CTSB: variants seen among roughly 807,000 people sequenced by gnomAD.
CTSB encodes the protein cathepsin B.
CTSB carries 57 observed loss-of-function variants against 44.3 expected under a neutral mutation model. The ratio of observed to expected loss-of-function variants is 1.29; its 90% CI spans 1.04 to 1.60. The LOEUF (loss-of-function observed/expected upper bound fraction) is 1.60, where lower values mean the gene tolerates loss of function less well. CTSB is among the 40% of genes most tolerant of loss of function. CTSB has a pLI of 0.00. For missense variants in CTSB, 768 were observed against 443.0 expected (o/e 1.73, Z -6.59); for synonymous variants, 320 against 168.0 (o/e 1.91, Z -7.00).
intron 1 of CTSB, among the ~76,000 whole-genome samples, chr8:11,866,790 G>T (rs1052065026): frequency 6.6e-5 from 10 of 152,312 alleles, no homozygotes; most frequent in Non-Finnish European, 1.3e-4. Context: ...AATTTGGGAG[G>T]CGGAAGTTGT....
At chr8:11,853,704 G>C (rs2131063343) in intron 1 of CTSB, 1 of 484,234 alleles carries the variant, frequency 2.1e-6, no homozygotes, top group Non-Finnish European at 3.7e-6. Flanking sequence ...AGCCCAGAGA[G>C]AGAGCCAAGG....
At position 11,861,153 on chromosome 8, in the gene CTSB, G is replaced by A. The variant is rs531824691; in HGVS notation, c.-26+6848C>T. On this transcript the variant is annotated intron_variant, in intron 1 of 9. Transcript: ENST00000353047. ...AAAATCCAAAGGGCTCTCAGGCCTCGGTCTCATCAGTCCCCTGATGAACGG... is the reference window on the plus strand; with the variant it reads ...AAAATCCAAAGGGCTCTCAGGCCTCAGTCTCATCAGTCCCCTGATGAACGG... 2.6e-5 allele frequency among the ~76,000 whole-genome samples: 4 copies of A among 152,284 alleles called. No homozygotes were observed. In the South Asian group the frequency reaches 8.3e-4, roughly 32 times the overall value.
chr8:11,865,954 G>A (rs1161447252), intron 1 of CTSB, among the ~76,000 whole-genome samples: 7 of 149,990 alleles, frequency 4.7e-5, no homozygotes, highest in African/African-American at 1.5e-4. Context: ...GAGAGGCGGA[G>A]GTGGCAGTGA....
At chr8:11,848,548 G>A (rs1028070418) in intron 5 of CTSB, 6 of 357,178 alleles carry the variant, frequency 1.7e-5, no homozygotes, top group Non-Finnish European at 3.3e-5. Flanking sequence ...TAACTAGTTA[G>A]GGGAGAAGCC....
chr8:11,851,348 C>G (rs1814571610), intron 3 of CTSB, among the ~76,000 whole-genome samples: 1 of 151,870 alleles, frequency 6.6e-6, no homozygotes, highest in African/African-American at 2.4e-5. Flanking sequence ...CACCACCACA[C>G]CCGGCTAATT....
chr8:11,866,332 G>T (rs769119390), intron 1 of CTSB, among the ~76,000 whole-genome samples: 2 of 152,236 alleles, frequency 1.3e-5, no homozygotes, highest in Non-Finnish European at 2.9e-5. Context: ...AAACAGGGCT[G>T]TCCTGAGCCA....
At chr8:11,867,395 TTTA>T (rs1817313595) in intron 1 of CTSB, 1 of 152,382 alleles carries the variant, frequency 6.6e-6, no homozygotes, top group African/African-American at 2.4e-5. Flanking sequence ...TCTCTTCCTG[TTTA>T]TGGATTTAAC....
At chr8:11,858,373 C>G (rs755482448) in intron 1 of CTSB, among the ~76,000 whole-genome samples, 1 of 152,214 alleles carries the variant, frequency 6.6e-6, no homozygotes, top group Non-Finnish European at 1.5e-5. Context: ...TGGCTCACTG[C>G]AAACTCTGCC....
At position 11,843,011 on chromosome 8, in the gene CTSB, C is replaced by G. The variant is rs1812538017; in HGVS notation, c.*2114G>C. On this transcript the variant is annotated 3_prime_UTR_variant, in exon 10 of 10. Transcript: ENST00000353047. ...TCACCGAGGCTGGAGTGCACTGGCA[C>G]TGTCTTGGCTCACTGCAACCTCCGC... The G allele has an allele frequency of 7.4e-6, 1 of 135,350 alleles. No individual in the cohort carries two copies. Among genetic ancestry groups the G allele is most frequent in the Non-Finnish European group, 1.5e-5 (1 of 64,828 alleles). The allele number at this position is 135,350 out of a possible 1,614,324, so 8.4% of individuals were successfully genotyped here.
At chr8:11,855,549 A>T (rs907466927) in intron 1 of CTSB, among the ~76,000 whole-genome samples, 23 of 152,206 alleles carry the variant, frequency 1.5e-4, no homozygotes, top group African/African-American at 5.5e-4. Flanking sequence ...GATTGACAGG[A>T]AACACAGCCT....
intron 1 of CTSB, chr8:11,861,220 G>C (rs1235973392): frequency 6.6e-6 from 1 of 152,472 alleles, no homozygotes; most frequent in Non-Finnish European, 1.5e-5. Flanking sequence ...GCTCCCTGCA[G>C]CTGTAGCCCC....
At chr8:11,846,907 C>CT in intron 8 of CTSB, 145 bp downstream of exon 8, 3 of 646,428 alleles carry the variant, frequency 4.6e-6, no homozygotes, top group Non-Finnish European at 8.4e-6. Flanking sequence ...AGGAGTGAGC[C>CT]TATATGGAAG....
At chr8:11,847,234 A>G in intron 7 of CTSB, 66 bp from the exon 8 acceptor site, 1 of 996,454 alleles carries the variant, frequency 1.0e-6, no homozygotes, top group Non-Finnish European at 1.6e-6. Context: ...CGCCACGGTC[A>G]GCCAGTCACT....
chr8:11,863,154 A>G (rs1816667471), intron 1 of CTSB, among the ~76,000 whole-genome samples: 1 of 152,166 alleles, frequency 6.6e-6, no homozygotes, highest in African/African-American at 2.4e-5. Context: ...CTATATAGAA[A>G]ATTAAAATTT....
chr8:11,852,707 T>C lies in CTSB; in HGVS notation c.127-12A>G. On this transcript the variant is annotated splice_polypyrimidine_tract_variant and intron_variant, in intron 2 of 9. Coordinates refer to ENST00000353047, the MANE Select transcript of CTSB (RefSeq NM_001908.5). The stretch of plus-strand genomic sequence containing the variant: ...AAGTTGTGCCCGGCCTGGAAGAGAG[T>C]CACCCACTGACTGAAGGGTCTCCCG... 1 of 1,612,752 alleles carries C rather than the reference T, an allele frequency of 6.2e-7. No homozygotes were observed. Among genetic ancestry groups the C allele is most frequent in the Non-Finnish European group, 8.5e-7 (1 of 1,179,258 alleles).
In CTSB at chr8:11,845,237, T is replaced by A; in HGVS notation, c.923-15A>T. On this transcript the variant is annotated splice_polypyrimidine_tract_variant and intron_variant, in intron 9 of 9. Coordinates refer to ENST00000353047, the MANE Select transcript of CTSB (RefSeq NM_001908.5). ...TTTAAAGAAGCCTGGGAATAAAAAG[T>A]AAGGTGCTTTTAAAGTGTGACAAGG... 6.3e-7 allele frequency: 1 copy of A among 1,587,356 alleles called. No individual in the cohort carries two copies. Among genetic ancestry groups the A allele is most frequent in the Non-Finnish European group, 8.7e-7 (1 of 1,155,942 alleles).
At chr8:11,863,932 G>A (rs1816760788) in intron 1 of CTSB, among the ~76,000 whole-genome samples, 1 of 152,158 alleles carries the variant, frequency 6.6e-6, no homozygotes, top group African/African-American at 2.4e-5. Context: ...CATGTGCCCT[G>A]CAGAAACTCT....
intron 1 of CTSB, among the ~76,000 whole-genome samples, chr8:11,859,885 C>T (rs1217850499): frequency 3.3e-5 from 5 of 150,978 alleles, no homozygotes; most frequent in Admixed American, 2.0e-4. Flanking sequence ...CCAGCCTGGC[C>T]AACATGGTGA....
At chr8:11,863,384 G>A (rs768874466) in intron 1 of CTSB, among the ~76,000 whole-genome samples, 12 of 151,852 alleles carry the variant, frequency 7.9e-5, no homozygotes, top group East Asian at 1.9e-4. Flanking sequence ...ACTTGAACCC[G>A]GGAGGCGGAG....
Sources: allele counts gnomAD v4.1 joint callset (sites outside exome capture counted in the v4.1 genomes callset), GRCh38; gene constraint gnomAD v4.1.1; transcripts MANE v1.5; gene names NCBI Gene and HGNC (gene_info 2026-07-23, HGNC 2026-07-21).